The following LSAMP variants were observed in gnomAD, a reference collection of about 807,000 sequenced individuals.
LSAMP encodes limbic system-associated membrane protein.
A neutral mutation model predicts 38.6 loss-of-function variants in LSAMP; 7 were observed. That is an observed-to-expected ratio of 0.18 (90% confidence interval 0.10 to 0.34). The LOEUF (loss-of-function observed/expected upper bound fraction) is 0.34, where lower values mean the gene tolerates loss of function less well. Ranked by LOEUF, LSAMP falls within the 10% of genes least tolerant of loss-of-function variation. The pLI, the probability that LSAMP is intolerant of heterozygous loss-of-function variation, is 1.00. For synonymous variants in LSAMP, 154 were observed against 166.8 expected (o/e 0.92, Z 0.59); for missense variants, 313 against 420.0 (o/e 0.75, Z 2.23).
At chr3:115,929,139 A>G (rs992483067) in intron 3 of LSAMP, among the ~76,000 whole-genome samples, 1 of 152,030 alleles carries the variant, frequency 6.6e-6, no homozygotes, top group African/African-American at 2.4e-5. Flanking sequence ...TAGTGCATCA[A>G]ATGAGGAAAA....
intron 1 of LSAMP, among the ~76,000 whole-genome samples, chr3:116,338,489 CTGTT>C (rs199777082): frequency 0.01 from 1,573 of 152,086 alleles, 32 homozygotes; most frequent in African/African-American, 0.037. Flanking sequence ...GGAGATGAAT[CTGTT>C]TGTAAAATTC....
intron 3 of LSAMP, among the ~76,000 whole-genome samples, chr3:115,871,604 T>G (rs1205853835): frequency 6.9e-6 from 1 of 144,832 alleles, no homozygotes; most frequent in Admixed American, 7.0e-5. Context: ...TGTGTGTGTG[T>G]GTGTGTGTGT....
In LSAMP at chr3:115,810,261, A is replaced by G. The variant is rs1933778484; in HGVS notation, c.*56T>C. ...TCTCTCTCTGTCTCTCTCTCTCTGT[A>G]TTCTGTGTGACGCATTTTTGTGTGT... On this transcript the variant is annotated 3_prime_UTR_variant, in exon 7 of 7. Transcript: ENST00000490035. 2 of 1,131,958 alleles carry G rather than the reference A, an allele frequency of 1.8e-6. No homozygotes were observed. Among genetic ancestry groups the G allele is most frequent in the African/African-American group, 1.6e-5 (1 of 64,284 alleles). The allele number at this position is 1,131,958 out of a possible 1,614,324, so 70.1% of individuals were successfully genotyped here.
chr3:116,267,611 C>CAA (rs59540404), intron 1 of LSAMP, among the ~76,000 whole-genome samples: 3,858 of 139,862 alleles, frequency 0.028, 107 homozygotes, highest in African/African-American at 0.069. Flanking sequence ...TTTAAGCTGG[C>CAA]AAAAAAAAAA....
At chr3:116,229,724 C>A (rs941719561) in intron 1 of LSAMP, among the ~76,000 whole-genome samples, 27 of 152,024 alleles carry the variant, frequency 1.8e-4, no homozygotes, top group Admixed American at 1.8e-3. Context: ...CAAAGAAGAT[C>A]AGAGATATGG....
intron 1 of LSAMP, among the ~76,000 whole-genome samples, chr3:116,157,443 GAAT>G (rs1019320444): frequency 6.6e-6 from 1 of 152,028 alleles, no homozygotes; most frequent in African/African-American, 2.4e-5. Context: ...TAACAAGGAG[GAAT>G]AAAGATCCTT....
chr3:116,210,157 ATGATGG>A (rs2107605281), intron 1 of LSAMP, among the ~76,000 whole-genome samples: 1 of 152,298 alleles, frequency 6.6e-6, no homozygotes, highest in Non-Finnish European at 1.5e-5. Flanking sequence ...GATGCTGTTG[ATGATGG>A]TGATAATGAT....
At chr3:115,931,969 G>A (rs1450845517) in intron 3 of LSAMP, among the ~76,000 whole-genome samples, 1 of 152,098 alleles carries the variant, frequency 6.6e-6, no homozygotes, top group Non-Finnish European at 1.5e-5. Flanking sequence ...TGGGCGATGT[G>A]GGGGATTCAA....
At chr3:116,090,119 G>T (rs1016669426) in intron 1 of LSAMP, among the ~76,000 whole-genome samples, 1 of 151,312 alleles carries the variant, frequency 6.6e-6, no homozygotes, top group African/African-American at 2.4e-5. Context: ...GAGGCTGGAG[G>T]CAGGAAAATC....
chr3:115,906,587 C>T (rs1171860375), intron 3 of LSAMP, among the ~76,000 whole-genome samples: 3 of 152,038 alleles, frequency 2.0e-5, no homozygotes. Flanking sequence ...CTTTAGAGTC[C>T]CATTTCTCTT....
At chr3:115,906,016 T>C (rs1936999641) in intron 3 of LSAMP, among the ~76,000 whole-genome samples, 1 of 152,158 alleles carries the variant, frequency 6.6e-6, no homozygotes, top group Non-Finnish European at 1.5e-5. Flanking sequence ...TGGGATTCAG[T>C]CTGTTCCTCT....
At chr3:116,171,832 T>G (rs1444438683) in intron 1 of LSAMP, among the ~76,000 whole-genome samples, 1 of 151,952 alleles carries the variant, frequency 6.6e-6, no homozygotes, top group Non-Finnish European at 1.5e-5. Context: ...AAGAGACCAT[T>G]TATTTATCTC....
At chr3:116,023,216 T>C (rs1940688104) in intron 2 of LSAMP, among the ~76,000 whole-genome samples, 1 of 151,964 alleles carries the variant, frequency 6.6e-6, no homozygotes, top group Non-Finnish European at 1.5e-5. Flanking sequence ...CATTCTTTAC[T>C]CCCAGTCCCT....
At chr3:115,879,256 G>A (rs1389812574) in intron 3 of LSAMP, among the ~76,000 whole-genome samples, 1 of 152,190 alleles carries the variant, frequency 6.6e-6, no homozygotes, top group East Asian at 1.9e-4. Flanking sequence ...ATCTACAAAT[G>A]TGTACATTTA....
At chr3:115,834,725 A>C in intron 6 of LSAMP, 1 of 317,632 alleles carries the variant, frequency 3.1e-6, no homozygotes, top group Non-Finnish European at 5.2e-6. Context: ...CATATCTCTC[A>C]TAAAACATTT....
At chr3:115,918,904 AAC>A in intron 3 of LSAMP, among the ~76,000 whole-genome samples, 1 of 152,198 alleles carries the variant, frequency 6.6e-6, no homozygotes, top group African/African-American at 2.4e-5. Context: ...TTAATCTTGT[AAC>A]AATCCTATGA....
At chr3:116,379,831 A>T (rs1419966615) in intron 1 of LSAMP, among the ~76,000 whole-genome samples, 1 of 151,992 alleles carries the variant, frequency 6.6e-6, no homozygotes, top group Non-Finnish European at 1.5e-5. Flanking sequence ...CTGATAAAAG[A>T]CGCTTACTTA....
At chr3:116,313,297 T>C (rs2047583295) in intron 1 of LSAMP, among the ~76,000 whole-genome samples, 2 of 152,184 alleles carry the variant, frequency 1.3e-5, no homozygotes, top group South Asian at 2.1e-4. Flanking sequence ...TTGCTGTCTG[T>C]GGAGGTATTT....
intron 1 of LSAMP, among the ~76,000 whole-genome samples, chr3:116,338,880 C>T (rs772729931): frequency 1.3e-5 from 2 of 151,960 alleles, no homozygotes; most frequent in African/African-American, 2.4e-5. Flanking sequence ...ATATTCAAAT[C>T]GAATCACTGG....
Sources: allele counts gnomAD v4.1 joint callset (sites outside exome capture counted in the v4.1 genomes callset), GRCh38; gene constraint gnomAD v4.1.1; transcripts MANE v1.5; gene names NCBI Gene and HGNC (gene_info 2026-07-23, HGNC 2026-07-21).